Variants in TBC1D4 observed in about 807,000 individuals in gnomAD.
The protein encoded by TBC1D4 is TBC (Tre-2, BUB2, CDC16) domain-containing protein.
In TBC1D4, 121 loss-of-function variants were observed where a neutral mutation model predicts 142.5. The observed-to-expected ratio is 0.85, with a 90% CI of 0.73 to 0.99. The LOEUF is 0.99. Ranked by LOEUF, TBC1D4 falls within the 50% of genes least tolerant of loss-of-function variation. The probability of loss-of-function intolerance (pLI) is 0.00; values close to 1 mark genes in which losing one functional copy is unlikely to be tolerated. For synonymous variants in TBC1D4, 630 were observed against 628.2 expected (o/e 1.00, Z -0.04); for missense variants, 1,475 against 1,606.6 (o/e 0.92, Z 1.40).
Position 75,285,899 on chromosome 13 carries a change from C to A in TBC1D4, c.*893G>T, listed in dbSNP as rs191537523. On this transcript the variant is annotated 3_prime_UTR_variant, in exon 21 of 21. Transcript: ENST00000377636. ...TCCTTGTCATTTGGTGACTGTGGCA[C>A]CAAATAAAGAGGAATTCATTCACAA... 158 of 152,174 alleles carry A rather than the reference C, an allele frequency of 1.0e-3. No individual in the cohort carries two copies. The highest frequency in any genetic ancestry group is 3.5e-3 in the African/African-American group (143 of 41,332). 9.4% of individuals were successfully genotyped at this position (152,174 alleles called of 1,614,324 possible).
intron 1 of TBC1D4, among the ~76,000 whole-genome samples, chr13:75,370,521 T>A (rs1410502473): frequency 6.6e-6 from 1 of 152,120 alleles, no homozygotes; most frequent in Non-Finnish European, 1.5e-5. Context: ...AGCTTCTGGA[T>A]ATAATTGTAA....
At chr13:75,408,724 T>A (rs886921688) in intron 1 of TBC1D4, among the ~76,000 whole-genome samples, 2 of 152,182 alleles carry the variant, frequency 1.3e-5, no homozygotes, top group Non-Finnish European at 2.9e-5. Context: ...CACTTTCTCA[T>A]CAACACTTGT....
At chr13:75,425,244 A>G (rs1219078558) in intron 1 of TBC1D4, among the ~76,000 whole-genome samples, 4 of 152,232 alleles carry the variant, frequency 2.6e-5, no homozygotes, top group Admixed American at 1.3e-4. Flanking sequence ...AAAAATGTTC[A>G]ACATCACTAA....
In TBC1D4 at chr13:75,306,319, TAAGA is replaced by T; in HGVS notation, c.2742_2745del (p.Leu915LysfsTer41). The stretch of plus-strand genomic sequence containing the variant: ...CTGAGATTATCCCAAATACCTTCTT[TAAGA>T]AGAGTATGAATATCTTCCATATCAC... On this transcript the variant is annotated frameshift_variant, in exon 15 of 21. Transcript: ENST00000377636. LOFTEE classifies it high-confidence loss of function. The T allele has an allele frequency of 6.2e-7, 1 of 1,610,050 alleles. No homozygotes were observed. The highest frequency in any genetic ancestry group is 1.1e-5 in the South Asian group (1 of 90,358).
intron 1 of TBC1D4, among the ~76,000 whole-genome samples, chr13:75,419,312 T>C (rs928956555): frequency 1.3e-5 from 2 of 152,194 alleles, no homozygotes; most frequent in Non-Finnish European, 2.9e-5. Flanking sequence ...ATTCCAGTGC[T>C]GGAGGAGGAA....
At chr13:75,301,214 C>A (rs1218506848) in intron 16 of TBC1D4, among the ~76,000 whole-genome samples, 2 of 151,740 alleles carry the variant, frequency 1.3e-5, no homozygotes, top group Non-Finnish European at 2.9e-5. Flanking sequence ...TGGTCAAATG[C>A]CAATATATAA....
intron 1 of TBC1D4, among the ~76,000 whole-genome samples, chr13:75,412,135 G>A (rs911089733): frequency 6.6e-6 from 1 of 152,162 alleles, no homozygotes; most frequent in Non-Finnish European, 1.5e-5. Flanking sequence ...GGCTGTAGAA[G>A]TTTGGGCTAT....
At chr13:75,301,226 A>G (rs2137885061) in intron 16 of TBC1D4, among the ~76,000 whole-genome samples, 1 of 152,270 alleles carries the variant, frequency 6.6e-6, no homozygotes, top group Admixed American at 6.5e-5. Flanking sequence ...AATATATAAT[A>G]TTTAATCTAA....
intron 4 of TBC1D4, among the ~76,000 whole-genome samples, chr13:75,352,236 C>T (rs1221475042): frequency 6.6e-6 from 1 of 152,122 alleles, no homozygotes; most frequent in Non-Finnish European, 1.5e-5. Flanking sequence ...TACAAATATA[C>T]TCAATATCAG....
intron 18 of TBC1D4, among the ~76,000 whole-genome samples, chr13:75,293,135 T>C (rs538589623): frequency 1.8e-4 from 27 of 152,098 alleles, no homozygotes; most frequent in South Asian, 8.3e-4. Flanking sequence ...GCCTAGGCAA[T>C]AGAGCAAGAC....
chr13:75,315,403 C>T (rs1280757421), intron 12 of TBC1D4, among the ~76,000 whole-genome samples: 7 of 144,618 alleles, frequency 4.8e-5, no homozygotes, highest in Admixed American at 2.1e-4. Context: ...TATATACACA[C>T]ATATATATAT....
chr13:75,457,993 G>C (rs890794915), intron 1 of TBC1D4, among the ~76,000 whole-genome samples: 6 of 152,102 alleles, frequency 3.9e-5, no homozygotes, highest in Non-Finnish European at 8.8e-5. Context: ...AGCATCTAGG[G>C]GTGTTACAAT....
intron 9 of TBC1D4, among the ~76,000 whole-genome samples, chr13:75,327,308 T>A: frequency 6.6e-6 from 1 of 152,062 alleles, no homozygotes. Flanking sequence ...CATACTGCAC[T>A]ACGCAGGAAA....
At chr13:75,315,421 C>CACATATATATATATAT (rs1566370448) in intron 12 of TBC1D4, among the ~76,000 whole-genome samples, 2 of 35,866 alleles carry the variant, frequency 5.6e-5, no homozygotes, top group African/African-American at 9.7e-5. Flanking sequence ...TATATATACA[C>CACATATATATATATAT]ACACATATAT....
At chr13:75,471,463 C>A (rs1025065482) in intron 1 of TBC1D4, among the ~76,000 whole-genome samples, 3 of 152,176 alleles carry the variant, frequency 2.0e-5, no homozygotes, top group Admixed American at 1.3e-4. Context: ...CAAAGCCAGG[C>A]CGGGTGGCTC....
intron 1 of TBC1D4, among the ~76,000 whole-genome samples, chr13:75,412,803 A>G (rs1423313774): frequency 6.6e-6 from 1 of 152,222 alleles, no homozygotes; most frequent in African/African-American, 2.4e-5. Flanking sequence ...TCTATTAACA[A>G]CGCCAATTTT....
chr13:75,478,985 T>A (rs1566520447), intron 1 of TBC1D4, among the ~76,000 whole-genome samples: 1 of 152,348 alleles, frequency 6.6e-6, no homozygotes, highest in East Asian at 1.9e-4. Context: ...TACTTTAAAA[T>A]GCGGGGTCAT....
chr13:75,347,053 G>A (rs1439925679), intron 5 of TBC1D4, among the ~76,000 whole-genome samples: 1 of 152,048 alleles, frequency 6.6e-6, no homozygotes. Flanking sequence ...ATCAAGACAT[G>A]GAACTTCTAG....
chr13:75,406,184 TCTA>T lies in TBC1D4; in HGVS notation c.499-43580_499-43578del, dbSNP rs1472260896. On this transcript the variant is annotated intron_variant, in intron 1 of 20. Coordinates refer to ENST00000377636, the MANE Select transcript of TBC1D4 (RefSeq NM_014832.5). ...AACAAGCTGACTTGACACACATATC[TCTA>T]GAGAATTTATTGAGAAACACATCTG... Among the ~76,000 whole-genome samples the T allele has an allele frequency of 1.5e-4, 23 of 152,328 alleles. No homozygotes were observed. The East Asian group carries it at 4.4e-3, about 29-fold the overall frequency.
Sources: allele counts gnomAD v4.1 joint callset (sites outside exome capture counted in the v4.1 genomes callset), GRCh38; gene constraint gnomAD v4.1.1; transcripts MANE v1.5; gene names NCBI Gene and HGNC (gene_info 2026-07-23, HGNC 2026-07-21).